Variants in RHPN1 observed in about 807,000 individuals in gnomAD.
RHPN1 encodes the protein rhophilin-1.
In RHPN1, 77 loss-of-function variants were observed where a neutral mutation model predicts 74.7. The ratio of observed to expected loss-of-function variants is 1.03; its 90% confidence interval spans 0.86 to 1.25. The LOEUF (loss-of-function observed/expected upper bound fraction) is 1.25. Ranked by LOEUF, RHPN1 falls within the 50% of genes most tolerant of loss-of-function variation. RHPN1 has a pLI of 0.00. For synonymous variants in RHPN1, 444 were observed against 414.5 expected (o/e 1.07, Z -0.87); for missense variants, 987 against 932.2 (o/e 1.06, Z -0.77).
At chr8:143,370,599 G>A (rs1299211821) in intron 1 of RHPN1, among the ~76,000 whole-genome samples, 2 of 152,384 alleles carry the variant, frequency 1.3e-5, no homozygotes, top group East Asian at 3.9e-4. Context: ...GGCGTGATGA[G>A]AGCAGGCTTC....
At chr8:143,374,731 C>T (rs1818098504) in intron 1 of RHPN1, among the ~76,000 whole-genome samples, 1 of 152,198 alleles carries the variant, frequency 6.6e-6, no homozygotes, top group South Asian at 2.1e-4. Context: ...GTGGGCAGGA[C>T]CCCAACACCA....
intron 11 of RHPN1, 23 bp from the exon 12 acceptor site, chr8:143,381,245 G>C (rs1409889928): frequency 4.4e-6 from 7 of 1,604,916 alleles, no homozygotes; most frequent in Non-Finnish European, 6.0e-6. Flanking sequence ...TCCCAGCTTA[G>C]CTCTGCTCTT....
intron 1 of RHPN1, 87 bp from the exon 2 acceptor site, chr8:143,375,466 G>A (rs1369253769): frequency 2.3e-6 from 2 of 857,496 alleles, no homozygotes; most frequent in African/African-American, 3.4e-5. Flanking sequence ...CCCATGGGCA[G>A]GATGCACTCC....
At chr8:143,381,370 G>GC in intron 12 of RHPN1, 26 bp downstream of exon 12, 1 of 1,586,298 alleles carries the variant, frequency 6.3e-7, no homozygotes, top group East Asian at 2.3e-5. Flanking sequence ...CCCAGGCACC[G>GC]CCCAGCATGG....
chr8:143,377,295 C>T (rs1818346168), intron 3 of RHPN1, 85 bp from the exon 4 acceptor site: 4 of 1,066,994 alleles, frequency 3.7e-6, no homozygotes, highest in Non-Finnish European at 5.6e-6. Context: ...GCACCCTGTG[C>T]CACAGAGCCC....
Position 143,378,702 on chromosome 8 carries a change from C to A in RHPN1, c.466C>A (p.Arg156=), listed in dbSNP as rs765954419. ...AGTGGCTCCTGCCCTGCAGGCCATG[C>A]GGACCCCCAGCCGGAATGAGTCGGG... ...RELEALRQAM[R]TPSRNESGLE... Residue 156 remains arginine (R), a synonymous_variant, in exon 6 of 15, where the codon CGG becomes AGG. Transcript: ENST00000289013. 2 of 1,593,264 alleles carry A rather than the reference C, an allele frequency of 1.3e-6. No homozygotes were observed. The highest frequency in any genetic ancestry group is 1.7e-5 in the Admixed American group (1 of 57,426).
Position 143,379,421 on chromosome 8 carries a change from A to G in RHPN1, c.858A>G (p.Glu286=), listed in dbSNP as rs775390944. 1.0e-4 allele frequency: 166 copies of G among 1,583,778 alleles called. No individual in the cohort carries two copies. The highest frequency in any genetic ancestry group is 1.7e-4 in the Middle Eastern group (1 of 6,048). ...AGCTCATGATGGCCCAGGCCCAGGA[A>G]TGTGTGTTTGAGGGCCTCTCACCAC... The part of the protein sequence containing the change: ...LEQLMMAQAQ[E]CVFEGLSPPA... The change falls in exon 8 of 15, where the codon GAA becomes GAG. Residue 286 remains glutamate (E), a synonymous_variant. Transcript: ENST00000289013.
Position 143,378,351 on chromosome 8 carries a change from G to A in RHPN1, c.459+5G>A. 6.5e-7 allele frequency: 1 copy of A among 1,542,632 alleles called. No homozygotes were observed. The highest frequency in any genetic ancestry group is 8.7e-7 in the Non-Finnish European group (1 of 1,143,946). The stretch of plus-strand genomic sequence containing the variant: ...GAGCTGGAGGCCCTGCGGCAGGTGT[G>A]TGGTTCCCCCGCCCACCCACCCTCC... On this transcript the variant is annotated splice_donor_5th_base_variant and intron_variant, in intron 5 of 14. Transcript: ENST00000289013.
intron 1 of RHPN1, among the ~76,000 whole-genome samples, chr8:143,369,993 C>T (rs539221275): frequency 1.3e-5 from 2 of 151,928 alleles, no homozygotes; most frequent in Admixed American, 6.5e-5. Flanking sequence ...TTGCCCACCC[C>T]GAGGCGTGCC....
At chr8:143,367,795 T>A (rs1285281967), upstream of RHPN1, 1 of 152,358 alleles carries the variant, frequency 6.6e-6, no homozygotes, top group Non-Finnish European at 1.5e-5. Context: ...GGAGCCGTGG[T>A]TACCGCCTGT....
upstream of RHPN1, chr8:143,368,828 C>A: frequency 2.6e-6 from 1 of 385,992 alleles, no homozygotes; most frequent in Non-Finnish European, 4.4e-6. Context: ...CCCAGCCGCG[C>A]CGCGGGCCGC....
rs1334659459 is a variant in RHPN1 at position 143,377,035 on chromosome 8, CGT to C, written c.306-340_306-339del. Among the ~76,000 whole-genome samples, 9 of 128,276 alleles carry C rather than the reference CGT, an allele frequency of 7.0e-5. No homozygotes were observed. The East Asian group carries it at 9.9e-4, about 14-fold the overall frequency. The allele number at this position is 128,276 out of a possible 152,430, so 84.2% of individuals were successfully genotyped here. A position where few individuals can be genotyped will look rare whatever the true frequency, so the allele number is the denominator to read the frequency against. On this transcript the variant is annotated intron_variant, in intron 3 of 14. Coordinates refer to ENST00000289013, the MANE Select transcript of RHPN1 (RefSeq NM_052924.3). ...TTGCCTCTATGTGTGCGTGTATGCA[CGT>C]GTGTCTGTGTGTGTCTGTGTGTGCG... is the stretch of plus-strand genomic sequence containing the variant.
intron 1 of RHPN1, 70 bp from the exon 2 acceptor site, chr8:143,375,483 T>G: frequency 9.3e-7 from 1 of 1,074,214 alleles, no homozygotes. Flanking sequence ...CTCCTCTCAG[T>G]GGCTGGCGAG....
Position 143,379,904 on chromosome 8 carries a change from A to G in RHPN1, c.1021A>G (p.Thr341Ala). Residue 341 changes from threonine (T) to alanine (A), a missense_variant, in exon 9 of 15, where the codon ACT (threonine) becomes GCT (alanine). Physicochemically the swap from Thr to Ala is moderately conservative, Grantham distance 58. Coordinates refer to ENST00000289013, the MANE Select transcript of RHPN1 (RefSeq NM_052924.3). ...PVHDYVPVSW[T>A]ALVHVKAEYF... Reference sequence around the variant, plus strand: ...CCACGACTACGTGCCTGTCTCCTGGACTGCCCTGGTGCATGTCAAGGCCGA... The same window carrying G: ...CCACGACTACGTGCCTGTCTCCTGGGCTGCCCTGGTGCATGTCAAGGCCGA... 2 of 1,606,698 alleles carry G rather than the reference A, an allele frequency of 1.2e-6. No homozygotes were observed. Among genetic ancestry groups the G allele is most frequent in the South Asian group, 2.2e-5 (2 of 89,898 alleles).
upstream of RHPN1, among the ~76,000 whole-genome samples, chr8:143,365,141 C>G (rs1817542618): frequency 6.6e-6 from 1 of 152,110 alleles, no homozygotes; most frequent in African/African-American, 2.4e-5. Context: ...CCCACCTCTT[C>G]CACTCCACAT....
At position 143,376,545 on chromosome 8, in the gene RHPN1, TGA is replaced by T. The variant is rs1193383126; in HGVS notation, c.204_205del (p.Glu68AspfsTer94). 3.7e-6 allele frequency: 6 copies of T among 1,612,282 alleles called. No individual in the cohort carries two copies. The highest frequency in any genetic ancestry group is 4.2e-6 in the Non-Finnish European group (5 of 1,179,550). On this transcript the variant is annotated frameshift_variant, in exon 3 of 15. Coordinates refer to ENST00000289013, the MANE Select transcript of RHPN1 (RefSeq NM_052924.3). LOFTEE classifies it high-confidence loss of function. ...CTCAGAGCCACCAGCAACAACCGGGTGAGAGAGACGGTCGCCCTGGAGCTGAG... is the reference window on the plus strand; with the variant it reads ...CTCAGAGCCACCAGCAACAACCGGGTGAGAGACGGTCGCCCTGGAGCTGAG...
At chr8:143,376,887 T>TGC (rs1281654892) in intron 3 of RHPN1, among the ~76,000 whole-genome samples, 2 of 20,192 alleles carry the variant, frequency 9.9e-5, no homozygotes, top group African/African-American at 1.6e-4. Context: ...TGCATGTGTG[T>TGC]GCATGCGTCT....
chr8:143,368,971 G>A lies in RHPN1; in HGVS notation c.-17G>A. 13 of 1,472,226 alleles carry A rather than the reference G, an allele frequency of 8.8e-6. No individual in the cohort carries two copies. The highest frequency in any genetic ancestry group is 1.2e-5 in the Non-Finnish European group (13 of 1,119,290). The allele number at this position is 1,472,226 out of a possible 1,614,324, so 91.2% of individuals were successfully genotyped here. A position where few individuals can be genotyped will look rare whatever the true frequency, so the allele number is the denominator to read the frequency against. On this transcript the variant is annotated 5_prime_UTR_variant, in exon 1 of 15. Coordinates refer to ENST00000289013, the MANE Select transcript of RHPN1 (RefSeq NM_052924.3). Reference sequence around the variant, plus strand: ...GCTGGCTGACCCCGAGGGACCCCCAGCGCAGCGGGTGCGGCGATGATCCTG... The same window carrying A: ...GCTGGCTGACCCCGAGGGACCCCCAACGCAGCGGGTGCGGCGATGATCCTG...
intron 5 of RHPN1, 119 bp from the exon 6 acceptor site, chr8:143,378,577 G>A: frequency 2.2e-6 from 3 of 1,350,850 alleles, no homozygotes; most frequent in Non-Finnish European, 3.0e-6. Context: ...GGCTGCCCAG[G>A]GCCCCACTGG....
Sources: allele counts gnomAD v4.1 joint callset (sites outside exome capture counted in the v4.1 genomes callset), GRCh38; gene constraint gnomAD v4.1.1; transcripts MANE v1.5; gene names NCBI Gene and HGNC (gene_info 2026-07-23, HGNC 2026-07-21).